Variants in TG observed in about 807,000 individuals in gnomAD.
TG encodes the protein thyroid hormones.
In TG, 270 loss-of-function variants were observed where a neutral mutation model predicts 324.7. The ratio of observed to expected loss-of-function variants is 0.83; its 90% CI spans 0.75 to 0.92. The LOEUF is 0.92. Among genes scored for constraint, TG ranks in the 40% least tolerant of loss-of-function variants. The pLI is 0.00. For missense variants in TG, 3,591 were observed against 3,456.4 expected, an observed-to-expected ratio of 1.04 and a Z score of -0.98; for synonymous variants, 1,401 against 1,327.0, an observed-to-expected ratio of 1.06 and a Z score of -1.21.
chr8:133,081,094 G>A (rs1845673577), intron 41 of TG, among the ~76,000 whole-genome samples: 1 of 152,236 alleles, frequency 6.6e-6, no homozygotes, highest in Non-Finnish European at 1.5e-5. Flanking sequence ...TTTATCATGA[G>A]GGTCCATACA....
chr8:132,877,392 GCCTCC>G (rs1265325054), intron 5 of TG, among the ~76,000 whole-genome samples: 4 of 152,170 alleles, frequency 2.6e-5, no homozygotes, highest in African/African-American at 9.7e-5. Flanking sequence ...ACCCACCTCA[GCCTCC>G]CAAAGTGCTG....
At chr8:133,028,809 G>GT (rs1836351206) in intron 40 of TG, among the ~76,000 whole-genome samples, 1 of 152,130 alleles carries the variant, frequency 6.6e-6, no homozygotes, top group African/African-American at 2.4e-5. Flanking sequence ...AGATTTTTCT[G>GT]TTTTTTCTTT....
At chr8:132,890,321 T>C (rs998238783) in intron 10 of TG, among the ~76,000 whole-genome samples, 15 of 152,200 alleles carry the variant, frequency 9.9e-5, no homozygotes, top group African/African-American at 3.6e-4. Context: ...GTAGTATGTG[T>C]ATATGCCTTA....
At chr8:133,068,813 T>C (rs551223226) in intron 41 of TG, among the ~76,000 whole-genome samples, 1 of 152,370 alleles carries the variant, frequency 6.6e-6, no homozygotes, top group Admixed American at 6.5e-5. Context: ...CTAGATAGAC[T>C]TTCTGTACAC....
chr8:133,127,918 C>T (rs561342033), intron 45 of TG, among the ~76,000 whole-genome samples: 4 of 152,260 alleles, frequency 2.6e-5, no homozygotes, highest in Non-Finnish European at 2.9e-5. Context: ...CCTTCCTCGC[C>T]TCATCCACTC....
At chr8:132,969,713 C>T (rs759024736) in intron 32 of TG, 144 bp downstream of exon 32, 3 of 661,220 alleles carry the variant, frequency 4.5e-6, no homozygotes, top group Non-Finnish European at 8.1e-6. Flanking sequence ...GAGATCAAGA[C>T]TATCCTGACC....
chr8:133,077,873 C>T (rs1845151834), intron 41 of TG, among the ~76,000 whole-genome samples: 1 of 151,852 alleles, frequency 6.6e-6, no homozygotes, highest in Non-Finnish European at 1.5e-5. Context: ...CCCCCCGCAC[C>T]CCTCCAAGTC....
At chr8:132,951,265 A>G (rs1406945689) in intron 27 of TG, among the ~76,000 whole-genome samples, 1 of 152,262 alleles carries the variant, frequency 6.6e-6, no homozygotes, top group African/African-American at 2.4e-5. Context: ...AAAAAGATAT[A>G]TATATCTGTG....
In TG at chr8:132,969,577, A is replaced by G. The variant is rs1048248500; in HGVS notation, c.5975+8A>G. 4 of 1,522,556 alleles carry G rather than the reference A, an allele frequency of 2.6e-6. No homozygotes were observed. In the African/African-American group the frequency reaches 5.5e-5, roughly 21 times the overall value. The allele number at this position is 1,522,556 out of a possible 1,614,324, so 94.3% of individuals were successfully genotyped here. Reference sequence around the variant, plus strand: ...AAAATCTATTTCTAATGGGTAAGCTACTTGTGTCTCACCCCTAATGTTTAT... The same window carrying G: ...AAAATCTATTTCTAATGGGTAAGCTGCTTGTGTCTCACCCCTAATGTTTAT... On this transcript the variant is annotated splice_region_variant and intron_variant, in intron 32 of 47. Transcript: ENST00000220616.
At chr8:132,869,361 C>A (rs1419528067) in intron 2 of TG, among the ~76,000 whole-genome samples, 1 of 152,184 alleles carries the variant, frequency 6.6e-6, no homozygotes, top group Non-Finnish European at 1.5e-5. Context: ...ACCCCCAAGC[C>A]CCCACTCCCT....
At chr8:132,884,319 C>A (rs998488972) in intron 8 of TG, among the ~76,000 whole-genome samples, 1 of 152,172 alleles carries the variant, frequency 6.6e-6, no homozygotes, top group Non-Finnish European at 1.5e-5. Context: ...TCGAGCCAGA[C>A]CCCATTTTCT....
At chr8:133,115,381 C>T (rs181966069) in intron 44 of TG, among the ~76,000 whole-genome samples, 1 of 152,298 alleles carries the variant, frequency 6.6e-6, no homozygotes, top group African/African-American at 2.4e-5. Flanking sequence ...AGGTTTGATC[C>T]TGTCCCTGTC....
chr8:132,945,581 TA>T (rs749333472), intron 26 of TG, among the ~76,000 whole-genome samples: 10 of 152,132 alleles, frequency 6.6e-5, no homozygotes, highest in Non-Finnish European at 1.5e-4. Context: ...TATAAATGTG[TA>T]AATTACAGCT....
chr8:132,923,768 A>G (rs1350940514), intron 22 of TG, among the ~76,000 whole-genome samples: 1 of 152,132 alleles, frequency 6.6e-6, no homozygotes, highest in South Asian at 2.1e-4. Context: ...CCTTACTTCT[A>G]AGTACTTCAG....
chr8:133,118,861 T>A (rs1389984548), intron 45 of TG, among the ~76,000 whole-genome samples: 2 of 152,284 alleles, frequency 1.3e-5, no homozygotes, highest in Admixed American at 6.5e-5. Flanking sequence ...TAGTTAAGGA[T>A]CTTGGCGTGG....
chr8:133,126,631 C>T (rs983803454), intron 45 of TG, among the ~76,000 whole-genome samples: 1 of 152,066 alleles, frequency 6.6e-6, no homozygotes, highest in Admixed American at 6.5e-5. Flanking sequence ...TAAAGGATTG[C>T]ATAGCAAATT....
In TG at chr8:132,887,098, G is replaced by A; in HGVS notation, c.1726G>A (p.Glu576Lys). The change falls in exon 9 of 48, where the codon GAA becomes AAA. Residue 576 changes from glutamate to lysine, a missense_variant. By Grantham distance (56) the Glu-to-Lys change is moderately conservative. Transcript: ENST00000220616. Reference protein sequence around the residue: ...KFLASLLELPEFLLFLQHAIS... With the variant: ...KFLASLLELPKFLLFLQHAIS... ...CCTTGCTTCTCTCCTGGAGCTTCCA[G>A]AATTCCTTCTCTTCTTGCAACATGC... 1 of 1,614,200 alleles carries A rather than the reference G, an allele frequency of 6.2e-7. No homozygotes were observed. The highest frequency in any genetic ancestry group is 8.5e-7 in the Non-Finnish European group (1 of 1,180,042).
At chr8:132,867,212 G>A in intron 1 of TG, 145 bp downstream of exon 1, 2 of 734,596 alleles carry the variant, frequency 2.7e-6, no homozygotes, top group Non-Finnish European at 4.6e-6. Context: ...TTTTTCAGAT[G>A]AAGAGGCAGA....
At chr8:132,868,564 A>G (rs1839187154) in intron 2 of TG, among the ~76,000 whole-genome samples, 1 of 152,170 alleles carries the variant, frequency 6.6e-6, no homozygotes, top group African/African-American at 2.4e-5. Flanking sequence ...AGAGTGTCAA[A>G]TGATCTGTGC....
Sources: allele counts gnomAD v4.1 joint callset (sites outside exome capture counted in the v4.1 genomes callset), GRCh38; gene constraint gnomAD v4.1.1; transcripts MANE v1.5; gene names NCBI Gene and HGNC (gene_info 2026-07-23, HGNC 2026-07-21).